ZBTB39: variants seen among roughly 807,000 people sequenced by gnomAD.
ZBTB39 encodes the protein zinc finger and BTB domain containing 39.
Under a neutral mutation model 39.4 loss-of-function variants are expected in ZBTB39, and 25 were observed. The observed-to-expected ratio is 0.63, with a 90% confidence interval of 0.46 to 0.89. ZBTB39 has a LOEUF of 0.89. ZBTB39 is among the 40% of genes least tolerant of loss of function. ZBTB39 has a pLI of 0.00. For missense variants in ZBTB39, 891 were observed against 909.7 expected (o/e 0.98, Z 0.26); for synonymous variants, 373 against 359.6 (o/e 1.04, Z -0.42).
intron 1 of ZBTB39, among the ~76,000 whole-genome samples, chr12:57,006,060 C>G (rs1471855274): frequency 6.6e-6 from 1 of 152,204 alleles, no homozygotes; most frequent in Non-Finnish European, 1.5e-5. Flanking sequence ...AAGCTGGGAA[C>G]TTCCAAGGAC....
In ZBTB39 at chr12:57,004,482, T is replaced by G; in HGVS notation, c.436A>C (p.Ser146Arg). 1 of 1,614,182 alleles carries G rather than the reference T, an allele frequency of 6.2e-7. No individual in the cohort carries two copies. The highest frequency in any genetic ancestry group is 8.5e-7 in the Non-Finnish European group (1 of 1,180,032). Residue 146 changes from serine to arginine, a missense_variant, in exon 2 of 2, where the codon AGT (serine) becomes CGT (arginine). By Grantham distance (110) the Ser-to-Arg change is moderately radical. Transcript: ENST00000300101. ...STSESHSGTL[S>R]CPSAEPAHPL... ...TGGGCAGGTTCTGCCGAAGGACAAC[T>G]CAGGGTACCAGAGTGGCTCTCACTG... is the stretch of plus-strand genomic sequence containing the variant.
Position 57,003,649 on chromosome 12 carries a change from T to C in ZBTB39, c.1269A>G (p.Ile423Met), listed in dbSNP as rs1441037139. 2 of 1,614,070 alleles carry C rather than the reference T, an allele frequency of 1.2e-6. No individual in the cohort carries two copies. The highest frequency in any genetic ancestry group is 2.2e-5 in the East Asian group (1 of 44,900). Reference protein sequence around the residue: ...WQLTLHRRDGIFENNIIVHPN... With the variant: ...WQLTLHRRDGMFENNIIVHPN... ...GGTGGACAATGATGTTGTTCTCAAA[T>C]ATTCCATCCCGTCGGTGAAGGGTCA... The change falls in exon 2 of 2, where the codon ATA becomes ATG. Residue 423 changes from isoleucine to methionine, a missense_variant. Coordinates refer to ENST00000300101, the MANE Select transcript of ZBTB39 (RefSeq NM_014830.3). The surrounding 1 kb of genome is among the most constrained non-coding windows in gnomAD (Gnocchi z 4.8).
chr12:57,006,149 G>A (rs1294955728), intron 1 of ZBTB39, among the ~76,000 whole-genome samples: 1 of 151,982 alleles, frequency 6.6e-6, no homozygotes, highest in African/African-American at 2.4e-5. Flanking sequence ...CGGCTGGGGC[G>A]CTCCCTCTGG....
chr12:57,006,241 G>A (rs2136411642), intron 1 of ZBTB39, among the ~76,000 whole-genome samples, 164 bp downstream of exon 1: 1 of 152,112 alleles, frequency 6.6e-6, no homozygotes, highest in Admixed American at 6.5e-5. Flanking sequence ...GCTGAATAAG[G>A]GGCCAAGCGA....
At position 57,002,725 on chromosome 12, in the gene ZBTB39, T is replaced by C; in HGVS notation, c.*54A>G. 2 of 1,530,044 alleles carry C rather than the reference T, an allele frequency of 1.3e-6. No individual in the cohort carries two copies. The highest frequency in any genetic ancestry group is 1.8e-6 in the Non-Finnish European group (2 of 1,116,632). 94.8% of individuals were successfully genotyped at this position (1,530,044 alleles called of 1,614,324 possible). A position where few individuals can be genotyped will look rare whatever the true frequency, so the allele number is the denominator to read the frequency against. ...TGGGGAGGGACCAACACCTCTTAGA[T>C]ATCAGCATCCTGGCTGCTGCTTGGG... On this transcript the variant is annotated 3_prime_UTR_variant, in exon 2 of 2. Transcript: ENST00000300101.
rs772305829 is a variant in ZBTB39, at chr12:57,003,333, C to A, written c.1585G>T (p.Val529Leu). ...DWHLLEKHMAVHQSLEDALFH... is the reference protein window; with the variant it reads ...DWHLLEKHMALHQSLEDALFH... Reference sequence around the variant, plus strand: ...AGGGCGTCTTCCAGACTTTGGTGCACAGCCATGTGCTTCTCTAGAAGATGC... The same window carrying A: ...AGGGCGTCTTCCAGACTTTGGTGCAAAGCCATGTGCTTCTCTAGAAGATGC... The change falls in exon 2 of 2, where the codon GTG (valine) becomes TTG (leucine). Residue 529 changes from valine to leucine, a missense_variant. By Grantham distance (32) the Val-to-Leu change is conservative (BLOSUM62 1). Transcript: ENST00000300101. This position sits in a 1 kb window ranked among gnomAD's most constrained non-coding sequence, Gnocchi z 4.8. The A allele has an allele frequency of 6.2e-7, 1 of 1,613,908 alleles. No homozygotes were observed. Among genetic ancestry groups the A allele is most frequent in the South Asian group, 1.1e-5 (1 of 91,022 alleles).
rs1037577566 is a variant in ZBTB39 at position 57,003,862 on chromosome 12, T to C, written c.1056A>G (p.Leu352=). The C allele has an allele frequency of 1.8e-5, 29 of 1,614,080 alleles. No individual in the cohort carries two copies. Among genetic ancestry groups the C allele is most frequent in the Middle Eastern group, 1.6e-4 (1 of 6,084 alleles). The part of the protein sequence containing the change: ...AMPCQVCKKV[L]EPNIQLIRQH... ...GCCGGATCAGTTGAATGTTGGGCTC[T>C]AGAACTTTCTTGCACACCTGGCAGG... The change falls in exon 2 of 2, where the codon CTA becomes CTG. Residue 352 remains leucine (L), a synonymous_variant. Coordinates refer to ENST00000300101, the MANE Select transcript of ZBTB39 (RefSeq NM_014830.3). This position sits in a 1 kb window ranked among gnomAD's most constrained non-coding sequence, Gnocchi z 4.8.
Position 57,003,369 on chromosome 12 carries a change from A to G in ZBTB39, c.1549T>C (p.Phe517Leu). ...VFSCSVCANS[F>L]VDWHLLEKHM... ...TTCTCTAGAAGATGCCAGTCCACAAAGCTGTTCGCACAGACAGAACAGGAG... is the reference window on the plus strand; with the variant it reads ...TTCTCTAGAAGATGCCAGTCCACAAGGCTGTTCGCACAGACAGAACAGGAG... Residue 517 changes from phenylalanine to leucine, a missense_variant, in exon 2 of 2, where the codon TTT becomes CTT. Coordinates refer to ENST00000300101, the MANE Select transcript of ZBTB39 (RefSeq NM_014830.3). The surrounding 1 kb of genome is among the most constrained non-coding windows in gnomAD (Gnocchi z 4.8). 3.7e-6 allele frequency: 6 copies of G among 1,614,068 alleles called. No homozygotes were observed. Among genetic ancestry groups the G allele is most frequent in the Non-Finnish European group, 5.1e-6 (6 of 1,179,942 alleles).
In ZBTB39 at chr12:57,004,306, T is replaced by C. The variant is rs1239687519; in HGVS notation, c.612A>G (p.Pro204=). 4 of 1,613,942 alleles carry C rather than the reference T, an allele frequency of 2.5e-6. No homozygotes were observed. The African/African-American group carries it at 5.3e-5, about 22-fold the overall frequency. The change falls in exon 2 of 2, where the codon CCA becomes CCG. Residue 204 remains proline, a synonymous_variant. Transcript: ENST00000300101. ...NHSLHLPQPP[P]PPPKTEDHDT... is the part of the protein sequence containing the mutation. ...CATGGTCTTCTGTCTTTGGCGGTGG[T>C]GGGGGCGGTTGCGGCAGATGCAGGC...
In ZBTB39 at chr12:57,006,411, C is replaced by G. The variant is rs912555367; in HGVS notation, c.-51G>C. On this transcript the variant is annotated 5_prime_UTR_variant, in exon 1 of 2. Transcript: ENST00000300101. ...TCGGCCTGGCCGCGCTTACCCGGCT[C>G]TGCGGCGCCCCGAGCACCATCGCCG... 6.6e-5 allele frequency: 10 copies of G among 150,782 alleles called. No individual in the cohort carries two copies. Among genetic ancestry groups the G allele is most frequent in the Non-Finnish European group, 1.5e-4 (10 of 67,254 alleles). 9.3% of individuals were successfully genotyped at this position (150,782 alleles called of 1,614,324 possible). A position where few individuals can be genotyped will look rare whatever the true frequency, so the allele number is the denominator to read the frequency against.
At position 57,003,879 on chromosome 12, in the gene ZBTB39, C is replaced by G. The variant is rs765735416; in HGVS notation, c.1039G>C (p.Val347Leu). 2 of 1,614,224 alleles carry G rather than the reference C, an allele frequency of 1.2e-6. No individual in the cohort carries two copies. The highest frequency in any genetic ancestry group is 1.7e-6 in the Non-Finnish European group (2 of 1,180,040). Residue 347 changes from valine to leucine, a missense_variant, in exon 2 of 2, where the codon GTG (valine) becomes CTG (leucine). Transcript: ENST00000300101. The surrounding 1 kb of genome is among the most constrained non-coding windows in gnomAD (Gnocchi z 4.8). The stretch of plus-strand genomic sequence containing the variant: ...TTGGGCTCTAGAACTTTCTTGCACA[C>G]CTGGCAGGGCATGGCCTTATTCTCC... ...NRENKAMPCQ[V>L]CKKVLEPNIQ...
Position 57,003,438 on chromosome 12 carries a change from T to A in ZBTB39, c.1480A>T (p.Ser494Cys), listed in dbSNP as rs1489493074. 6.2e-7 allele frequency: 1 copy of A among 1,614,146 alleles called. No homozygotes were observed. The highest frequency in any genetic ancestry group is 2.2e-5 in the East Asian group (1 of 44,888). The change falls in exon 2 of 2, where the codon AGC becomes TGC. Residue 494 changes from serine to cysteine, a missense_variant. Physicochemically the swap from Ser to Cys is moderately radical, Grantham distance 112. Transcript: ENST00000300101. This position sits in a 1 kb window ranked among gnomAD's most constrained non-coding sequence, Gnocchi z 4.8. ...VCDQRHLNLC[S>C]LMWHTLSHLG... ...TGGGACAGCGTGTGCCACATGAGGC[T>A]GCAGAGGTTAAGGTGACGCTGGTCG...
rs772649797 is a variant in ZBTB39, at chr12:57,004,359, T to C, written c.559A>G (p.Lys187Glu). The C allele has an allele frequency of 6.2e-6, 10 of 1,614,152 alleles. No homozygotes were observed. In the South Asian group the frequency reaches 9.9e-5, roughly 16 times the overall value. The change falls in exon 2 of 2, where the codon AAG (lysine) becomes GAG (glutamate). Residue 187 changes from lysine (K) to glutamate (E), a missense_variant. Coordinates refer to ENST00000300101, the MANE Select transcript of ZBTB39 (RefSeq NM_014830.3). ...DAGGSYKEEE[K>E]NVASDANHSL... ...TGGTTAGCGTCACTGGCAACATTCT[T>C]CTCTTCCTCTTTATAGCTCCCTCCA...
Position 57,003,797 on chromosome 12 carries a change from C to A in ZBTB39, c.1121G>T (p.Cys374Phe). 1 of 1,614,228 alleles carries A rather than the reference C, an allele frequency of 6.2e-7. No homozygotes were observed. Among genetic ancestry groups the A allele is most frequent in the South Asian group, 1.1e-5 (1 of 91,084 alleles). The change falls in exon 2 of 2, where the codon TGC becomes TTC. Residue 374 changes from cysteine to phenylalanine, a missense_variant. Cys to Phe is a radical substitution (Grantham distance 205). Coordinates refer to ENST00000300101, the MANE Select transcript of ZBTB39 (RefSeq NM_014830.3). This position sits in a 1 kb window ranked among gnomAD's most constrained non-coding sequence, Gnocchi z 4.8. ...RDHVDLLTGN[C>F]KVCETHFQDR... is the part of the protein sequence containing the mutation. Reference sequence around the variant, plus strand: ...CTGGAAGTGGGTCTCGCAGACCTTGCAGTTGCCCGTCAGCAGGTCCACATG... The same window carrying A: ...CTGGAAGTGGGTCTCGCAGACCTTGAAGTTGCCCGTCAGCAGGTCCACATG...
rs902760691 is a variant in ZBTB39, at chr12:57,004,315, T to C, written c.603A>G (p.Gln201=). 10 of 1,613,698 alleles carry C rather than the reference T, an allele frequency of 6.2e-6. No individual in the cohort carries two copies. Among genetic ancestry groups the C allele is most frequent in the African/African-American group, 1.3e-5 (1 of 74,754 alleles). Residue 201 remains glutamine, a synonymous_variant, in exon 2 of 2, where the codon CAA becomes CAG. Transcript: ENST00000300101. ...CTGTCTTTGGCGGTGGTGGGGGCGG[T>C]TGCGGCAGATGCAGGCTATGGTTAG... ...SDANHSLHLP[Q]PPPPPPKTED...
chr12:57,004,699 G>A lies in ZBTB39; in HGVS notation c.219C>T (p.Asp73=). ...TCTCAAAGTTGGCAGGGGTGATGAA[G>A]TCCACCACATAGGTCCTGGCAGCAT... ...GLDAARTYVV[D]FITPANFEKV... Residue 73 remains aspartate (D), a synonymous_variant, in exon 2 of 2, where the codon GAC becomes GAT. Coordinates refer to ENST00000300101, the MANE Select transcript of ZBTB39 (RefSeq NM_014830.3). 2 of 1,614,252 alleles carry A rather than the reference G, an allele frequency of 1.2e-6. No homozygotes were observed. The highest frequency in any genetic ancestry group is 1.7e-6 in the Non-Finnish European group (2 of 1,180,046).
At position 57,004,060 on chromosome 12, in the gene ZBTB39, A is replaced by C. The variant is rs768593906; in HGVS notation, c.858T>G (p.Pro286=). The C allele has an allele frequency of 7.6e-5, 123 of 1,614,244 alleles. No individual in the cohort carries two copies. The South Asian group carries it at 1.3e-3, about 17-fold the overall frequency. Reference sequence around the variant, plus strand: ...GGAGCTCATCCATCTGCCCAAAGCCAGGATCTTTGGAGTGCTCACTATTGC... The same window carrying C: ...GGAGCTCATCCATCTGCCCAAAGCCCGGATCTTTGGAGTGCTCACTATTGC... ...CLSNSEHSKD[P]GFGQMDELQL... Residue 286 remains proline (P), a synonymous_variant, in exon 2 of 2, where the codon CCT becomes CCG. Coordinates refer to ENST00000300101, the MANE Select transcript of ZBTB39 (RefSeq NM_014830.3).
Position 57,003,389 on chromosome 12 carries a change from CAGG to C in ZBTB39, c.1526_1528del (p.Ser509del), listed in dbSNP as rs1174179678. 3.7e-6 allele frequency: 6 copies of C among 1,614,074 alleles called. No individual in the cohort carries two copies. The highest frequency in any genetic ancestry group is 5.1e-6 in the Non-Finnish European group (6 of 1,180,032). On this transcript the variant is annotated inframe_deletion, in exon 2 of 2. Transcript: ENST00000300101. This position sits in a 1 kb window ranked among gnomAD's most constrained non-coding sequence, Gnocchi z 4.8. ...CACAAAGCTGTTCGCACAGACAGAA[CAGG>C]AGAAGACTGAGATGCCGAGATGGGA...
In ZBTB39 at chr12:57,002,611, G is replaced by C. The variant is rs1009200569; in HGVS notation, c.*168C>G. The C allele has an allele frequency of 5.9e-5, 39 of 663,648 alleles. No homozygotes were observed. The highest frequency in any genetic ancestry group is 1.8e-5 in the African/African-American group (1 of 54,990). The allele number at this position is 663,648 out of a possible 1,614,324, so 41.1% of individuals were successfully genotyped here. A position where few individuals can be genotyped will look rare whatever the true frequency, so the allele number is the denominator to read the frequency against. ...ATAGGGCTGTTGCTTCTCAACAACA[G>C]TAACAGCTTATGTGCTATTTCTTCT... On this transcript the variant is annotated 3_prime_UTR_variant, in exon 2 of 2. Coordinates refer to ENST00000300101, the MANE Select transcript of ZBTB39 (RefSeq NM_014830.3).
Sources: gnomAD v4.1 joint callset for allele counts (sites outside exome capture counted in the v4.1 genomes callset) on GRCh38, gnomAD v4.1.1 for gene constraint, Gnocchi (gnomAD v3.1) non-coding constraint, MANE v1.5 for transcripts, NCBI Gene and HGNC (gene_info 2026-07-23, HGNC 2026-07-21) for gene names.